Variants in FAM120B observed in about 807,000 individuals in gnomAD.
FAM120B encodes constitutive coactivator of peroxisome proliferator-activated receptor gamma.
In FAM120B, 83 loss-of-function variants were observed where a neutral mutation model predicts 96.3. That is an observed-to-expected ratio of 0.86 (90% CI 0.72 to 1.03). The LOEUF (loss-of-function observed/expected upper bound fraction) is 1.03, where lower values mean the gene tolerates loss of function less well. Among genes scored for constraint, FAM120B ranks in the 50% least tolerant of loss-of-function variants. The pLI is 0.00. For synonymous variants in FAM120B, 407 were observed against 402.7 expected (o/e 1.01, Z -0.13); for missense variants, 1,027 against 1,121.2 (o/e 0.92, Z 1.20).
intron 3 of FAM120B, among the ~76,000 whole-genome samples, chr6:170,324,016 T>C (rs1206482091): frequency 6.6e-6 from 1 of 152,210 alleles, no homozygotes; most frequent in Non-Finnish European, 1.5e-5. Flanking sequence ...TTTGAGAATG[T>C]GTTGATAAGA....
intron 5 of FAM120B, among the ~76,000 whole-genome samples, chr6:170,350,273 C>T (rs1047337965): frequency 1.3e-5 from 2 of 152,138 alleles, no homozygotes; most frequent in African/African-American, 4.8e-5. Context: ...GCTTGGAATC[C>T]CAGCCGGCCA....
chr6:170,336,862 T>A (rs7757478), intron 4 of FAM120B, among the ~76,000 whole-genome samples: 2,236 of 152,280 alleles, frequency 0.015, 51 homozygotes, highest in African/African-American at 0.052. Flanking sequence ...GGAATGCTTG[T>A]GATTTTTGCA....
At chr6:170,384,950 T>A (rs1217122804) in intron 6 of FAM120B, among the ~76,000 whole-genome samples, 1 of 152,206 alleles carries the variant, frequency 6.6e-6, no homozygotes, top group Non-Finnish European at 1.5e-5. Flanking sequence ...AAGGTTAGTA[T>A]GGATTCGAAT....
chr6:170,366,895 T>C (rs1328132580), intron 6 of FAM120B, among the ~76,000 whole-genome samples: 1 of 152,154 alleles, frequency 6.6e-6, no homozygotes, highest in Non-Finnish European at 1.5e-5. Flanking sequence ...TGTTATTTTT[T>C]AGATTTTTTT....
rs1452054310 is a variant in FAM120B at position 170,295,731 on chromosome 6, C to G, written c.48+278C>G. On this transcript the variant is annotated intron_variant, in intron 1 of 10. Coordinates refer to the FAM120B transcript ENST00000537664. The surrounding 1 kb of genome is among the most constrained non-coding windows in gnomAD (Gnocchi z 7.8). ...CTTTTCCTTTCTCAGGATCCGCGGC[C>G]GTGCAGAGAACAGGAAGACGGGCTC... 6.6e-6 allele frequency among the ~76,000 whole-genome samples: 1 copy of G among 152,062 alleles called. No individual in the cohort carries two copies. The highest frequency in any genetic ancestry group is 1.5e-5 in the Non-Finnish European group (1 of 67,962).
intron 6 of FAM120B, among the ~76,000 whole-genome samples, chr6:170,373,206 A>C (rs1377565559): frequency 3.3e-5 from 5 of 152,230 alleles, no homozygotes; most frequent in Non-Finnish European, 5.9e-5. Context: ...TGGCCTCAGC[A>C]GGAAGAGCTC....
chr6:170,366,091 T>G (rs1219536272), intron 6 of FAM120B, among the ~76,000 whole-genome samples: 1 of 152,110 alleles, frequency 6.6e-6, no homozygotes, highest in Non-Finnish European at 1.5e-5. Flanking sequence ...GTAGACTCAG[T>G]GGCATTCTGT....
At chr6:170,321,024 G>A (rs575093756) in intron 2 of FAM120B, among the ~76,000 whole-genome samples, 11 of 152,228 alleles carry the variant, frequency 7.2e-5, no homozygotes, top group Non-Finnish European at 1.3e-4. Flanking sequence ...AAGCCGACAG[G>A]GAGTTTGGCA....
chr6:170,319,395 G>A (rs1024558048), intron 2 of FAM120B, among the ~76,000 whole-genome samples: 5 of 152,218 alleles, frequency 3.3e-5, no homozygotes, highest in African/African-American at 1.2e-4. Context: ...GGCCGGGCGT[G>A]GTGGCTCATG....
intron 2 of FAM120B, among the ~76,000 whole-genome samples, chr6:170,320,559 C>T (rs9366203): frequency 2.6e-5 from 4 of 151,926 alleles, no homozygotes; most frequent in Admixed American, 1.3e-4. Flanking sequence ...TGAGTACCGG[C>T]GATGGTAGAT....
At chr6:170,290,826 A>T, upstream of FAM120B, 1 of 618,644 alleles carries the variant, frequency 1.6e-6, no homozygotes, top group Admixed American at 2.6e-5. The surrounding 1 kb of genome is among the most constrained non-coding windows in gnomAD (Gnocchi z 4.7). Context: ...GCAGGACCGG[A>T]GGGGCCGGGC....
At chr6:170,386,351 A>G (rs937512781) in intron 6 of FAM120B, among the ~76,000 whole-genome samples, 2 of 152,354 alleles carry the variant, frequency 1.3e-5, no homozygotes, top group African/African-American at 4.8e-5. Context: ...ATTGATGAAG[A>G]AAAGCAGAAA....
At chr6:170,381,478 T>C (rs1789896300) in intron 6 of FAM120B, among the ~76,000 whole-genome samples, 1 of 152,182 alleles carries the variant, frequency 6.6e-6, no homozygotes, top group Non-Finnish European at 1.5e-5. Flanking sequence ...ATGCTAGTTC[T>C]ACATTCTCTT....
intron 4 of FAM120B, among the ~76,000 whole-genome samples, chr6:170,342,526 A>C (rs1419661124): frequency 6.6e-6 from 1 of 152,206 alleles, no homozygotes; most frequent in Non-Finnish European, 1.5e-5. Context: ...TGGAAACAGC[A>C]ATGGGGCACT....
intron 5 of FAM120B, among the ~76,000 whole-genome samples, chr6:170,354,775 A>G (rs974448856): frequency 2.8e-4 from 42 of 152,008 alleles, no homozygotes; most frequent in Admixed American, 6.6e-5. Flanking sequence ...AAAGAAAAAA[A>G]AAAATTAGCC....
intron 6 of FAM120B, among the ~76,000 whole-genome samples, chr6:170,373,846 A>G (rs1357812231): frequency 6.6e-6 from 1 of 152,246 alleles, no homozygotes; most frequent in Admixed American, 6.5e-5. Context: ...AGCACAGGAA[A>G]AGAGCATAGG....
intron 6 of FAM120B, among the ~76,000 whole-genome samples, chr6:170,387,849 T>C (rs1790273986): frequency 6.6e-6 from 1 of 152,196 alleles, no homozygotes; most frequent in Non-Finnish European, 1.5e-5. Context: ...GTCTGTCCCT[T>C]TGCCTTTGAA....
chr6:170,301,121 C>T (rs2114980391), intron 1 of FAM120B, among the ~76,000 whole-genome samples: 1 of 152,358 alleles, frequency 6.6e-6, no homozygotes, highest in South Asian at 2.1e-4. Context: ...GGGCTTTGCC[C>T]CTGCAGCAGA....
intron 6 of FAM120B, among the ~76,000 whole-genome samples, chr6:170,369,998 C>T (rs1789077206): frequency 6.6e-6 from 1 of 152,200 alleles, no homozygotes; most frequent in Non-Finnish European, 1.5e-5. Context: ...TTTTCTACAG[C>T]AGAAGCAAAT....
Sources: allele counts gnomAD v4.1 joint callset (sites outside exome capture counted in the v4.1 genomes callset), GRCh38; gene constraint gnomAD v4.1.1; non-coding constraint Gnocchi (gnomAD v3.1); transcripts MANE v1.5; gene names NCBI Gene and HGNC (gene_info 2026-07-23, HGNC 2026-07-21).